The following CHD5 variants were observed in gnomAD, a reference collection of about 807,000 sequenced individuals.
The protein encoded by CHD5 is ATP-dependent chromatin remodeler CHD5.
A neutral mutation model predicts 230.3 loss-of-function variants in CHD5; 69 were observed. The ratio of observed to expected loss-of-function variants is 0.30; its 90% CI spans 0.25 to 0.37. The LOEUF is 0.37. Among genes scored for constraint, CHD5 ranks in the 10% least tolerant of loss-of-function variants. The pLI is 1.00. For missense variants in CHD5, 1,827 were observed against 2,622.8 expected (o/e 0.70, Z 6.63); for synonymous variants, 1,064 against 1,065.9 (o/e 1.00, Z 0.03).
intron 2 of CHD5, among the ~76,000 whole-genome samples, chr1:6,164,131 G>C (rs758595574): frequency 6.6e-6 from 1 of 152,210 alleles, no homozygotes; most frequent in Non-Finnish European, 1.5e-5. Flanking sequence ...TCCCAGCTCC[G>C]CAGATGTTTC....
In CHD5 at chr1:6,105,881, G is replaced by C. The variant is rs1279244687; in HGVS notation, c.*46+353C>G. Among the ~76,000 whole-genome samples the C allele has an allele frequency of 6.6e-6, 1 of 152,230 alleles. No homozygotes were observed. Among genetic ancestry groups the C allele is most frequent in the Non-Finnish European group, 1.5e-5 (1 of 68,044 alleles). The stretch of plus-strand genomic sequence containing the variant: ...TGTCTGCCACCAGCAGGACAGCAGG[G>C]GCAGGACAGGGCTCCAGGCGGGGGC... On this transcript the variant is annotated intron_variant, in intron 41 of 41. Coordinates refer to ENST00000262450, the MANE Select transcript of CHD5 (RefSeq NM_015557.3). This position sits in a 1 kb window ranked among gnomAD's most constrained non-coding sequence, Gnocchi z 4.8.
chr1:6,179,769 T>A (rs1235087573), intron 1 of CHD5, among the ~76,000 whole-genome samples, 176 bp downstream of exon 1: 5 of 144,698 alleles, frequency 3.5e-5, no homozygotes, highest in Non-Finnish European at 7.6e-5. Flanking sequence ...TCACCCAGCC[T>A]TCGCCCTTGG....
chr1:6,139,331 G>GCCTCC (rs959803054), intron 15 of CHD5, among the ~76,000 whole-genome samples: 5 of 152,050 alleles, frequency 3.3e-5, no homozygotes, highest in Non-Finnish European at 7.4e-5. Context: ...CCGCCTCCCA[G>GCCTCC]GTTCAAGCGA....
In CHD5 at chr1:6,155,660, G is replaced by A. The variant is rs1273678454; in HGVS notation, c.445C>T (p.Leu149=). 2 of 1,614,110 alleles carry A rather than the reference G, an allele frequency of 1.2e-6. No individual in the cohort carries two copies. Among genetic ancestry groups the A allele is most frequent in the South Asian group, 2.2e-5 (2 of 91,072 alleles). The change falls in exon 4 of 42, where the codon CTG becomes TTG. Residue 149 remains leucine, a synonymous_variant. Coordinates refer to ENST00000262450, the MANE Select transcript of CHD5 (RefSeq NM_015557.3). The surrounding 1 kb of genome is among the most constrained non-coding windows in gnomAD (Gnocchi z 4.0). Reference sequence around the variant, plus strand: ...GTGTGGTAATCCTCCTCCGAGAACAGGTAGTCCACGTCGTCCAGGCCCCAC... The same window carrying A: ...GTGTGGTAATCCTCCTCCGAGAACAAGTAGTCCACGTCGTCCAGGCCCCAC... ...AEWGLDDVDY[L]FSEEDYHTLT...
At chr1:6,171,995 G>A (rs1667345537) in intron 1 of CHD5, among the ~76,000 whole-genome samples, 1 of 152,228 alleles carries the variant, frequency 6.6e-6, no homozygotes, top group African/African-American at 2.4e-5. Flanking sequence ...CCCACCTCCT[G>A]GGGGTGGAGG....
chr1:6,147,849 G>C (rs542403888), intron 9 of CHD5, among the ~76,000 whole-genome samples: 9 of 152,268 alleles, frequency 5.9e-5, no homozygotes, highest in African/African-American at 2.2e-4. Flanking sequence ...AGGCAGAGGA[G>C]GAGGAGGAGG....
chr1:6,168,538 A>T (rs537199213), intron 1 of CHD5, among the ~76,000 whole-genome samples: 3 of 152,348 alleles, frequency 2.0e-5, no homozygotes, highest in South Asian at 2.1e-4. Flanking sequence ...TGCCCCTGAT[A>T]AGACAGTGTT....
intron 36 of CHD5, 91 bp from the exon 37 acceptor site, chr1:6,110,617 G>C (rs939413563): frequency 1.0e-5 from 14 of 1,368,966 alleles, no homozygotes; most frequent in Admixed American, 4.0e-5. Flanking sequence ...GGGCCAGCCC[G>C]GGGGTCGGCA....
chr1:6,110,118 T>A (rs1349006987), intron 37 of CHD5, 128 bp from the exon 38 acceptor site: 1 of 994,912 alleles, frequency 1.0e-6, no homozygotes, highest in Non-Finnish European at 1.4e-6. Flanking sequence ...TGCCATCTGC[T>A]GCCCACCCTG....
Position 6,121,243 on chromosome 1 carries a change from G to C in CHD5, c.4780-6C>G, listed in dbSNP as rs367979360. 2 of 1,606,898 alleles carry C rather than the reference G, an allele frequency of 1.2e-6. No homozygotes were observed. The highest frequency in any genetic ancestry group is 8.5e-7 in the Non-Finnish European group (1 of 1,177,674). On this transcript the variant is annotated splice_region_variant and splice_polypyrimidine_tract_variant and intron_variant, in intron 32 of 41. Transcript: ENST00000262450. This position sits in a 1 kb window ranked among gnomAD's most constrained non-coding sequence, Gnocchi z 4.5. Reference sequence around the variant, plus strand: ...TCCAAGGCGGCTGGAAGGGCCTGCAGAGGAAAAGCCAGGAGAACTACAAGG... The same window carrying C: ...TCCAAGGCGGCTGGAAGGGCCTGCACAGGAAAAGCCAGGAGAACTACAAGG...
At chr1:6,141,792 G>C (rs1026519038) in intron 15 of CHD5, among the ~76,000 whole-genome samples, 2 of 152,140 alleles carry the variant, frequency 1.3e-5, no homozygotes, top group African/African-American at 2.4e-5. Context: ...AACCCCTGCC[G>C]CCACCAGGAG....
chr1:6,177,144 G>A (rs1667440110), intron 1 of CHD5, among the ~76,000 whole-genome samples: 1 of 152,238 alleles, frequency 6.6e-6, no homozygotes, highest in African/African-American at 2.4e-5. Context: ...GCCGTAGACT[G>A]AAAAATCATC....
At chr1:6,168,115 G>C (rs199847206) in intron 2 of CHD5, 35 bp downstream of exon 2, 3 of 1,573,012 alleles carry the variant, frequency 1.9e-6, no homozygotes, top group East Asian at 4.6e-5. Context: ...AACCCCACCC[G>C]CCCCAAGCTC....
chr1:6,122,425 A>G (rs1666486333), intron 31 of CHD5, among the ~76,000 whole-genome samples: 2 of 152,256 alleles, frequency 1.3e-5, no homozygotes, highest in African/African-American at 4.8e-5. Context: ...AATGCCAATC[A>G]GAACCACAGT....
chr1:6,111,247 A>G lies in CHD5; in HGVS notation c.5249+528T>C, dbSNP rs1314200548. Among the ~76,000 whole-genome samples the G allele has an allele frequency of 2.1e-5, 3 of 145,884 alleles. No homozygotes were observed. The East Asian group carries it at 6.2e-4, about 30-fold the overall frequency. ...TCCATCTCAAAAAAAAAAGAAAAAG[A>G]AAAAGGCCGGGTGTGGTGGCTGACG... On this transcript the variant is annotated intron_variant, in intron 36 of 41. Transcript: ENST00000262450.
chr1:6,137,397 A>G (rs1379422754), intron 15 of CHD5, among the ~76,000 whole-genome samples: 2 of 151,968 alleles, frequency 1.3e-5, no homozygotes, highest in African/African-American at 4.8e-5. Context: ...GTGAGCCACC[A>G]CGACCAGCCC....
chr1:6,178,842 G>T (rs981792280), intron 1 of CHD5, among the ~76,000 whole-genome samples: 3 of 152,178 alleles, frequency 2.0e-5, no homozygotes, highest in Non-Finnish European at 4.4e-5. Flanking sequence ...GGAGCTGGAG[G>T]TGTCCATTTG....
chr1:6,131,285 A>C lies in CHD5; in HGVS notation c.3262+346T>G, dbSNP rs931766647. On this transcript the variant is annotated intron_variant, in intron 21 of 41. Coordinates refer to ENST00000262450, the MANE Select transcript of CHD5 (RefSeq NM_015557.3). The surrounding 1 kb of genome is among the most constrained non-coding windows in gnomAD (Gnocchi z 5.0). ...CTCTCCTGCCTCTGGAAGTGGCCCC[A>C]GGTAGCACGTGCATCTCTGTACCTT... Among the ~76,000 whole-genome samples the C allele has an allele frequency of 1.3e-5, 2 of 152,154 alleles. No individual in the cohort carries two copies. The highest frequency in any genetic ancestry group is 1.3e-4 in the Admixed American group (2 of 15,280).
intron 13 of CHD5, among the ~76,000 whole-genome samples, chr1:6,143,226 A>G (rs532105688): frequency 6.6e-5 from 10 of 151,962 alleles, no homozygotes; most frequent in Non-Finnish European, 1.5e-4. Flanking sequence ...AATTTTTTGT[A>G]GAGGTGGGAT....
Sources: gnomAD v4.1 joint callset for allele counts (sites outside exome capture counted in the v4.1 genomes callset) on GRCh38, gnomAD v4.1.1 for gene constraint, Gnocchi (gnomAD v3.1) non-coding constraint, MANE v1.5 for transcripts, NCBI Gene and HGNC (gene_info 2026-07-23, HGNC 2026-07-21) for gene names.